The following FLT3 variants were observed in gnomAD, a reference collection of about 807,000 sequenced individuals.
FLT3 encodes the protein receptor-type tyrosine-protein kinase FLT3.
A neutral mutation model predicts 126.6 loss-of-function variants in FLT3; 46 were observed. The ratio of observed to expected loss-of-function variants is 0.36; its 90% CI spans 0.29 to 0.46. The LOEUF is 0.46. Among genes scored for constraint, FLT3 ranks in the 20% least tolerant of loss-of-function variants. FLT3 has a pLI of 1.00. For missense variants in FLT3, 1,069 were observed against 1,190.3 expected, an observed-to-expected ratio of 0.90 and a Z score of 1.50; for synonymous variants, 404 against 434.4, an observed-to-expected ratio of 0.93 and a Z score of 0.87.
chr13:28,081,603 G>A (rs9507997), intron 1 of FLT3, among the ~76,000 whole-genome samples: 24,335 of 151,774 alleles, frequency 0.16, 2,138 homozygotes, highest in Middle Eastern at 0.26. Flanking sequence ...TCTTTTTCAC[G>A]TCTTAATACG....
chr13:28,033,336 T>C (rs1873523467), intron 15 of FLT3, among the ~76,000 whole-genome samples: 1 of 151,500 alleles, frequency 6.6e-6, no homozygotes, highest in Non-Finnish European at 1.5e-5. Flanking sequence ...AACTTCTGCC[T>C]GTGGCAACTG....
At chr13:28,011,795 TTTTC>T (rs151316777) in intron 23 of FLT3, among the ~76,000 whole-genome samples, 39,494 of 150,254 alleles carry the variant, frequency 0.26, 5,286 homozygotes, top group Non-Finnish European at 0.28. Context: ...TTCTTTCTCT[TTTTC>T]TTTCTTTTTC....
rs769807030 is a variant in FLT3 at position 28,062,003 on chromosome 13, C to T, written c.232G>A (p.Ala78Thr). The change falls in exon 3 of 24, where the codon GCT becomes ACT. Residue 78 changes from alanine (A) to threonine (T), a missense_variant. By Grantham distance (58) the Ala-to-Thr change is moderately conservative (BLOSUM62 0). Transcript: ENST00000241453. ...GATACATCCACTTCCACAGCGGCAG[C>T]TTCGTACACTGTCCCTGAGCTCTGG... is the stretch of plus-strand genomic sequence containing the variant. ...RPQSSGTVYE[A>T]AAVEVDVSAS... 4 of 1,613,444 alleles carry T rather than the reference C, an allele frequency of 2.5e-6. No individual in the cohort carries two copies. Among genetic ancestry groups the T allele is most frequent in the Non-Finnish European group, 3.4e-6 (4 of 1,180,004 alleles).
In FLT3 at chr13:28,045,836, C is replaced by T. The variant is rs1020799591; in HGVS notation, c.1205+2439G>A. Among the ~76,000 whole-genome samples, 4 of 112,510 alleles carry T rather than the reference C, an allele frequency of 3.6e-5. No homozygotes were observed. The Admixed American group carries it at 4.9e-4, about 14-fold the overall frequency. The allele number at this position is 112,510 out of a possible 152,430, so 73.8% of individuals were successfully genotyped here. ...TGCCACTGCACTTCAGTCTGGGCAA[C>T]AGAATAAGACTCTGTCTCAAAAAAA... On this transcript the variant is annotated intron_variant, in intron 9 of 23. Coordinates refer to ENST00000241453, the MANE Select transcript of FLT3 (RefSeq NM_004119.3).
intron 9 of FLT3, 57 bp downstream of exon 9, chr13:28,048,218 C>T (rs983563975): frequency 1.4e-5 from 20 of 1,411,128 alleles, no homozygotes; most frequent in African/African-American, 7.2e-5. Flanking sequence ...TTCTCAAGGG[C>T]GACAAGCAAG....
At chr13:28,081,505 G>C (rs1056080920) in intron 1 of FLT3, among the ~76,000 whole-genome samples, 21 of 152,174 alleles carry the variant, frequency 1.4e-4, no homozygotes, top group Non-Finnish European at 2.8e-4. Flanking sequence ...ACTTTTTGTA[G>C]GTTCTATAGA....
At chr13:28,086,642 G>A (rs1299285926) in intron 1 of FLT3, among the ~76,000 whole-genome samples, 2 of 151,494 alleles carry the variant, frequency 1.3e-5, no homozygotes, top group Non-Finnish European at 2.9e-5. Context: ...GTGTGTGTGT[G>A]TGTGTGTGTG....
chr13:28,011,170 C>T (rs1352060073), intron 23 of FLT3, among the ~76,000 whole-genome samples: 1 of 150,686 alleles, frequency 6.6e-6, no homozygotes, highest in Non-Finnish European at 1.5e-5. Context: ...ATTAGCTGGG[C>T]GTGGTGGCGC....
At chr13:28,086,498 T>C (rs1313523118) in intron 1 of FLT3, among the ~76,000 whole-genome samples, 3 of 152,212 alleles carry the variant, frequency 2.0e-5, no homozygotes, top group Non-Finnish European at 2.9e-5. Context: ...TTTAAAGAGA[T>C]TTAAACAATA....
At chr13:28,010,516 A>G (rs1033760402) in intron 23 of FLT3, among the ~76,000 whole-genome samples, 5 of 152,336 alleles carry the variant, frequency 3.3e-5, no homozygotes, top group African/African-American at 1.2e-4. Context: ...ATGTTTGTCC[A>G]TCCTAAAAAT....
At chr13:28,073,539 A>C (rs1877712136) in intron 1 of FLT3, 1 of 196,844 alleles carries the variant, frequency 5.1e-6, no homozygotes, top group Non-Finnish European at 1.1e-5. Context: ...TAATTTAAAA[A>C]ATATTTTATA....
chr13:28,033,524 C>T (rs148100984), intron 15 of FLT3, among the ~76,000 whole-genome samples: 25 of 151,970 alleles, frequency 1.6e-4, no homozygotes, highest in Non-Finnish European at 3.2e-4. Context: ...CTTAGCTGAG[C>T]GTGGTGGTGC....
intron 23 of FLT3, among the ~76,000 whole-genome samples, chr13:28,008,033 C>T (rs1317954071): frequency 6.6e-6 from 1 of 151,302 alleles, no homozygotes; most frequent in Non-Finnish European, 1.5e-5. Flanking sequence ...TTTGTTTTTT[C>T]CCTAGCTTCT....
intron 9 of FLT3, among the ~76,000 whole-genome samples, chr13:28,042,889 A>C (rs1874513513): frequency 6.6e-6 from 1 of 151,844 alleles, no homozygotes; most frequent in African/African-American, 2.4e-5. Flanking sequence ...AAAAAAAAAA[A>C]AACAACTCCT....
intron 1 of FLT3, among the ~76,000 whole-genome samples, chr13:28,096,320 C>T (rs1429696399): frequency 6.6e-6 from 1 of 152,108 alleles, no homozygotes; most frequent in African/African-American, 2.4e-5. Context: ...TACCACTGCA[C>T]TCCAGCCTGG....
chr13:28,099,502 C>T (rs944413692), intron 1 of FLT3, among the ~76,000 whole-genome samples: 1 of 152,170 alleles, frequency 6.6e-6, no homozygotes, highest in African/African-American at 2.4e-5. Flanking sequence ...ACCACAGAGA[C>T]TTCAAGTCCT....
intron 23 of FLT3, among the ~76,000 whole-genome samples, chr13:28,011,322 AAGAGGAGAGG>A (rs1223434430): frequency 2.7e-5 from 3 of 112,270 alleles, no homozygotes; most frequent in Admixed American, 8.8e-5. Flanking sequence ...AAAAAAAGAA[AAGAGGAGAGG>A]AGAGGGGAGG....
In FLT3 at chr13:28,027,129, A is replaced by G. The variant is rs2137651614; in HGVS notation, c.2166T>C (p.Asn722=). The G allele has an allele frequency of 1.2e-6, 2 of 1,613,842 alleles. No individual in the cohort carries two copies. The highest frequency in any genetic ancestry group is 2.2e-5 in the South Asian group (2 of 90,972). The change falls in exon 17 of 24, where the codon AAT becomes AAC. Residue 722 remains asparagine, a synonymous_variant. Transcript: ENST00000241453. ...RTWTEIFKEH[N]FSFYPTFQSH... is the part of the protein sequence containing the mutation. Reference sequence around the variant, plus strand: ...ATTGGAAAGTGGGGTAAAAACTGAAATTGTGTTCCTTGAAAATCTCTGTCC... The same window carrying G: ...ATTGGAAAGTGGGGTAAAAACTGAAGTTGTGTTCCTTGAAAATCTCTGTCC...
chr13:28,043,170 T>C (rs1874535548), intron 9 of FLT3, among the ~76,000 whole-genome samples: 1 of 141,294 alleles, frequency 7.1e-6, no homozygotes, highest in Non-Finnish European at 1.5e-5. Context: ...GGTTACTAAG[T>C]AATTACAACA....
Sources: allele counts gnomAD v4.1 joint callset (sites outside exome capture counted in the v4.1 genomes callset), GRCh38; gene constraint gnomAD v4.1.1; transcripts MANE v1.5; gene names NCBI Gene and HGNC (gene_info 2026-07-23, HGNC 2026-07-21).